THSD4: variants seen among roughly 807,000 people sequenced by gnomAD.
The protein encoded by THSD4 is thrombospondin type-1 domain-containing protein 4.
THSD4 carries 69 observed loss-of-function variants against 119.0 expected under a neutral mutation model. The observed-to-expected ratio is 0.58, with a 90% CI of 0.48 to 0.71. The LOEUF (loss-of-function observed/expected upper bound fraction) is 0.71. Among genes scored for constraint, THSD4 ranks in the 30% least tolerant of loss-of-function variants. The pLI is 0.00. For missense variants in THSD4, 1,393 were observed against 1,391.1 expected, an observed-to-expected ratio of 1.00 and a Z score of -0.02; for synonymous variants, 524 against 540.4, an observed-to-expected ratio of 0.97 and a Z score of 0.42.
chr15:71,599,969 A>T (rs951900275), intron 7 of THSD4, among the ~76,000 whole-genome samples: 1 of 152,180 alleles, frequency 6.6e-6, no homozygotes, highest in African/African-American at 2.4e-5. Flanking sequence ...TCACATCTCA[A>T]ATTCTAAAAC....
intron 7 of THSD4, among the ~76,000 whole-genome samples, chr15:71,511,547 A>G (rs1307820996): frequency 1.3e-5 from 2 of 152,154 alleles, no homozygotes; most frequent in African/African-American, 4.8e-5. Flanking sequence ...AAGAATTAAA[A>G]CGTGGGAAAA....
chr15:71,181,475 G>T (rs1327897595), intron 3 of THSD4, among the ~76,000 whole-genome samples: 2 of 152,288 alleles, frequency 1.3e-5, no homozygotes, highest in East Asian at 3.9e-4. Flanking sequence ...GGGAATAATG[G>T]TACGGTCCTG....
chr15:71,350,484 C>T (rs765056233), intron 6 of THSD4, among the ~76,000 whole-genome samples: 38 of 152,064 alleles, frequency 2.5e-4, no homozygotes, highest in Admixed American at 3.3e-4. Flanking sequence ...CTTAAGTGAC[C>T]TCCCCTCTGG....
At chr15:71,120,091 C>A (rs942372258) in intron 1 of THSD4, among the ~76,000 whole-genome samples, 1 of 152,146 alleles carries the variant, frequency 6.6e-6, no homozygotes, top group Non-Finnish European at 1.5e-5. Flanking sequence ...AATCTCAGGC[C>A]CCCTCAAATC....
chr15:71,236,529 A>G lies in THSD4; in HGVS notation c.465-6120A>G, dbSNP rs539117187. Among the ~76,000 whole-genome samples, 8 of 152,236 alleles carry G rather than the reference A, an allele frequency of 5.3e-5. 1 individual carries two copies. In the South Asian group the frequency reaches 1.7e-3, roughly 31 times the overall value. ...GTGGCTTTGTCCTCAGGGCCATAATAGTTTAACAGTCTTTTAATAAGATAT... is the reference window on the plus strand; with the variant it reads ...GTGGCTTTGTCCTCAGGGCCATAATGGTTTAACAGTCTTTTAATAAGATAT... On this transcript the variant is annotated intron_variant, in intron 4 of 17. Coordinates refer to ENST00000261862, the MANE Select transcript of THSD4 (RefSeq NM_024817.3).
At chr15:71,470,498 T>A (rs901852124) in intron 7 of THSD4, among the ~76,000 whole-genome samples, 1 of 152,234 alleles carries the variant, frequency 6.6e-6, no homozygotes, top group Admixed American at 6.5e-5. Flanking sequence ...TGTCTATTAA[T>A]TCATTTAATT....
intron 1 of THSD4, among the ~76,000 whole-genome samples, chr15:71,109,011 CA>C (rs527375532): frequency 6.6e-6 from 1 of 151,852 alleles, no homozygotes; most frequent in East Asian, 1.9e-4. Flanking sequence ...AACAAACAAA[CA>C]AAAAAACAAA....
Position 71,731,160 on chromosome 15 carries a change from T to C in THSD4, c.1573T>C (p.Tyr525His). Residue 525 changes from tyrosine (Y) to histidine (H), a missense_variant, in exon 10 of 18, where the codon TAC (tyrosine) becomes CAC (histidine). Coordinates refer to ENST00000261862, the MANE Select transcript of THSD4 (RefSeq NM_024817.3). ...QQPNPGVHYE[Y>H]VIMGTNAISP... Reference sequence around the variant, plus strand: ...GCCAAACCCAGGCGTGCACTACGAGTACGTGATCATGGGGACCAACGCCAT... The same window carrying C: ...GCCAAACCCAGGCGTGCACTACGAGCACGTGATCATGGGGACCAACGCCAT... 1 of 1,614,064 alleles carries C rather than the reference T, an allele frequency of 6.2e-7. No individual in the cohort carries two copies. Among genetic ancestry groups the C allele is most frequent in the Non-Finnish European group, 8.5e-7 (1 of 1,180,020 alleles).
chr15:71,673,446 G>A (rs913308705), intron 8 of THSD4, among the ~76,000 whole-genome samples: 1 of 152,072 alleles, frequency 6.6e-6, no homozygotes, highest in Non-Finnish European at 1.5e-5. Context: ...CCAGCTCCTG[G>A]ATTCATTGAT....
chr15:71,209,310 A>G (rs892536557), intron 3 of THSD4, among the ~76,000 whole-genome samples: 4 of 152,170 alleles, frequency 2.6e-5, no homozygotes, highest in South Asian at 2.1e-4. Context: ...TTTATCTCAC[A>G]TATATTTTTA....
chr15:71,126,301 G>A (rs1453740999), intron 1 of THSD4, among the ~76,000 whole-genome samples: 1 of 152,150 alleles, frequency 6.6e-6, no homozygotes, highest in African/African-American at 2.4e-5. Flanking sequence ...CCAAGCCAGG[G>A]ACATGTCATT....
At chr15:71,407,425 T>C (rs942170342) in intron 6 of THSD4, among the ~76,000 whole-genome samples, 1 of 152,212 alleles carries the variant, frequency 6.6e-6, no homozygotes, top group African/African-American at 2.4e-5. Context: ...CTATTTTCTT[T>C]TTCTTTTGAG....
At chr15:71,229,560 G>T (rs1034286789) in intron 4 of THSD4, among the ~76,000 whole-genome samples, 3 of 152,122 alleles carry the variant, frequency 2.0e-5, no homozygotes, top group Non-Finnish European at 2.9e-5. Flanking sequence ...AGGGAATAAT[G>T]ACAAGAAAAA....
chr15:71,486,998 T>G (rs140711308), intron 7 of THSD4, among the ~76,000 whole-genome samples: 3 of 152,194 alleles, frequency 2.0e-5, no homozygotes, highest in African/African-American at 7.2e-5. Context: ...ATCTCTCAGA[T>G]GTAGCTCCCT....
intron 6 of THSD4, among the ~76,000 whole-genome samples, chr15:71,386,607 A>G (rs1034499522): frequency 2.0e-5 from 3 of 152,226 alleles, no homozygotes; most frequent in African/African-American, 7.2e-5. Flanking sequence ...TCTGCCTTTA[A>G]TGCAGACATT....
At chr15:71,431,126 C>T (rs2046938743) in intron 7 of THSD4, among the ~76,000 whole-genome samples, 1 of 152,166 alleles carries the variant, frequency 6.6e-6, no homozygotes, top group Non-Finnish European at 1.5e-5. Context: ...TACCCAATTG[C>T]TGTAAACTTT....
chr15:71,271,115 A>G (rs1248695120), intron 6 of THSD4, among the ~76,000 whole-genome samples: 7 of 151,996 alleles, frequency 4.6e-5, no homozygotes, highest in Non-Finnish European at 7.4e-5. Context: ...AATAAAAATT[A>G]ATTCATTCAA....
chr15:71,154,659 C>G lies in THSD4; in HGVS notation c.30-204C>G, dbSNP rs200820627. ...GGAAGGCTGGGATGTGATCCCACAT[C>G]TGCCCCATGCCATGCCTTGCCACAG... is the stretch of plus-strand genomic sequence containing the variant. On this transcript the variant is annotated intron_variant, in intron 2 of 17. Transcript: ENST00000261862. Among the ~76,000 whole-genome samples the G allele has an allele frequency of 1.7e-4, 26 of 152,350 alleles. No individual in the cohort carries two copies. The East Asian group carries it at 5.0e-3, about 29-fold the overall frequency.
intron 7 of THSD4, among the ~76,000 whole-genome samples, chr15:71,614,154 A>G (rs1301725488): frequency 1.3e-5 from 2 of 152,214 alleles, no homozygotes; most frequent in Admixed American, 6.5e-5. Context: ...GTCCCAGGTT[A>G]AACACTTCTT....
Sources: allele counts gnomAD v4.1 joint callset (sites outside exome capture counted in the v4.1 genomes callset), GRCh38; gene constraint gnomAD v4.1.1; transcripts MANE v1.5; gene names NCBI Gene and HGNC (gene_info 2026-07-23, HGNC 2026-07-21).